Variants in POU2F3 observed in about 807,000 individuals in gnomAD.
POU2F3 encodes the protein POU class 2 homeobox 3.
POU2F3 carries 23 observed loss-of-function variants against 59.2 expected under a neutral mutation model. The ratio of observed to expected loss-of-function variants is 0.39; its 90% CI spans 0.28 to 0.55. The LOEUF (loss-of-function observed/expected upper bound fraction) is 0.55. Ranked by LOEUF, POU2F3 falls within the 20% of genes least tolerant of loss-of-function variation. POU2F3 has a pLI of 0.66. For synonymous variants in POU2F3, 190 were observed against 214.6 expected, an observed-to-expected ratio of 0.89 and a Z score of 1.00; for missense variants, 473 against 544.5, an observed-to-expected ratio of 0.87 and a Z score of 1.31.
At chr11:120,270,439 C>T (rs1940011819) in intron 3 of POU2F3, among the ~76,000 whole-genome samples, 1 of 152,132 alleles carries the variant, frequency 6.6e-6, no homozygotes, top group Non-Finnish European at 1.5e-5. Flanking sequence ...CCCAGGAGCT[C>T]AGAGCAGACA....
intron 7 of POU2F3, 61 bp from the exon 8 acceptor site, chr11:120,305,583 G>T: frequency 6.3e-7 from 1 of 1,594,192 alleles, no homozygotes. Flanking sequence ...CATGCAGGAT[G>T]TGGGCAAACA....
chr11:120,291,286 T>C (rs7120237), intron 3 of POU2F3, among the ~76,000 whole-genome samples: 65,088 of 152,066 alleles, frequency 0.43, 16,692 homozygotes, highest in East Asian at 0.86. Context: ...CAGAGACACG[T>C]GGCAGTGCAG....
rs117466426 is a variant in POU2F3, at chr11:120,282,013, G to T, written c.132+12769G>T. ...TTTAGCAGCAATGTTGGTTCCAGTT[G>T]CCCCATTTCATATCCATGTGGCTCC... On this transcript the variant is annotated intron_variant, in intron 3 of 12. Coordinates refer to ENST00000543440, the MANE Select transcript of POU2F3 (RefSeq NM_014352.4). 1.3e-3 allele frequency among the ~76,000 whole-genome samples: 201 copies of T among 152,252 alleles called. 4 individuals are homozygous for T. In the East Asian group the frequency reaches 0.036, roughly 27 times the overall value.
chr11:120,275,655 G>A (rs748180754), intron 3 of POU2F3, among the ~76,000 whole-genome samples: 2 of 152,172 alleles, frequency 1.3e-5, no homozygotes, highest in Non-Finnish European at 2.9e-5. Context: ...CCAGAAGAGA[G>A]TCTGAAGCAA....
upstream of POU2F3, chr11:120,236,640 C>T (rs555592579): frequency 6.9e-4 from 1,010 of 1,465,518 alleles, 1 homozygote; most frequent in Non-Finnish European, 8.8e-4. Context: ...TCCTCTCTAT[C>T]TCACTCCAGC....
Position 120,275,673 on chromosome 11 carries a change from G to A in POU2F3, c.132+6429G>A, listed in dbSNP as rs560828096. ...GAAGAGAGTCTGAAGCAAGTTGGCA[G>A]CTGTCCTTGTCCCACGTTTCCTGCC... On this transcript the variant is annotated intron_variant, in intron 3 of 12. Coordinates refer to ENST00000543440, the MANE Select transcript of POU2F3 (RefSeq NM_014352.4). Among the ~76,000 whole-genome samples the A allele has an allele frequency of 2.6e-5, 4 of 152,290 alleles. No individual in the cohort carries two copies. In the South Asian group the frequency reaches 8.3e-4, roughly 32 times the overall value.
upstream of POU2F3, chr11:120,240,104 G>A (rs1938597011): frequency 2.6e-6 from 3 of 1,146,140 alleles, no homozygotes; most frequent in Admixed American, 4.8e-5. Context: ...GGGCGTGGCC[G>A]GCGGCCCCCG....
chr11:120,259,165 G>A (rs949135953), intron 2 of POU2F3: 8 of 152,244 alleles, frequency 5.3e-5, no homozygotes, highest in African/African-American at 1.7e-4. Context: ...CTGTGCATTT[G>A]AAGGAAAGTC....
upstream of POU2F3, among the ~76,000 whole-genome samples, chr11:120,238,978 G>A (rs1170278423): frequency 1.3e-5 from 2 of 152,100 alleles, no homozygotes; most frequent in Admixed American, 6.5e-5. Flanking sequence ...TGCCTTTCAA[G>A]TGTTGGTCAC....
intron 9 of POU2F3, among the ~76,000 whole-genome samples, chr11:120,308,396 G>A (rs1941558395): frequency 6.6e-6 from 1 of 152,182 alleles, no homozygotes; most frequent in Admixed American, 6.5e-5. Flanking sequence ...TTAGCTCAAA[G>A]ATTTGGTGCC....
chr11:120,303,945 A>C (rs1329213142), intron 6 of POU2F3: 1 of 152,224 alleles, frequency 6.6e-6, no homozygotes, highest in Non-Finnish European at 1.5e-5. Flanking sequence ...TTGTGGAATG[A>C]TAGATGTCCT....
rs190020776 is a variant in POU2F3, at chr11:120,318,395, C to A, written c.*3C>A. The A allele has an allele frequency of 6.1e-5, 97 of 1,598,612 alleles. No homozygotes were observed. Among genetic ancestry groups the A allele is most frequent in the Non-Finnish European group, 7.6e-5 (89 of 1,165,814 alleles). ...ATCATTCCACCTACCTCCACTGAGA[C>A]CAAAAAGTTTCTCCTACTCCAGCTG... is the stretch of plus-strand genomic sequence containing the variant. On this transcript the variant is annotated 3_prime_UTR_variant, in exon 13 of 13. Transcript: ENST00000543440.
intron 10 of POU2F3, among the ~76,000 whole-genome samples, chr11:120,315,013 A>T (rs1012892441): frequency 6.6e-6 from 1 of 152,258 alleles, no homozygotes; most frequent in African/African-American, 2.4e-5. Context: ...TATCTGCCAC[A>T]GCAGGGCCCA....
chr11:120,309,486 A>G lies in POU2F3; in HGVS notation c.968A>G (p.Glu323Gly), dbSNP rs1325625718. Residue 323 changes from glutamate to glycine, a missense_variant, in exon 10 of 13, where the codon GAG becomes GGG. Coordinates refer to ENST00000543440, the MANE Select transcript of POU2F3 (RefSeq NM_014352.4). ...MIAEQLSMEK[E>G]VVRVWFCNRR... ...GCAGAGCAGTTGTCCATGGAGAAGGAGGTGGTGAGGGTCTGGTTCTGCAAC... is the reference window on the plus strand; with the variant it reads ...GCAGAGCAGTTGTCCATGGAGAAGGGGGTGGTGAGGGTCTGGTTCTGCAAC... 1.9e-6 allele frequency: 3 copies of G among 1,613,796 alleles called. No individual in the cohort carries two copies. In the South Asian group the frequency reaches 3.3e-5, roughly 18 times the overall value.
intron 3 of POU2F3, among the ~76,000 whole-genome samples, chr11:120,289,129 C>T (rs1406236170): frequency 6.6e-6 from 1 of 152,174 alleles, no homozygotes; most frequent in East Asian, 1.9e-4. Context: ...ACCCCAAATG[C>T]TCTCTGCTGC....
intron 9 of POU2F3, among the ~76,000 whole-genome samples, chr11:120,308,652 G>A (rs1941564309): frequency 6.6e-6 from 1 of 151,978 alleles, no homozygotes; most frequent in African/African-American, 2.4e-5. Context: ...GAAATGACAA[G>A]GCAGGCCAGG....
intron 4 of POU2F3, among the ~76,000 whole-genome samples, chr11:120,298,977 A>G (rs911677185): frequency 2.6e-5 from 4 of 152,024 alleles, no homozygotes; most frequent in Admixed American, 2.6e-4. Flanking sequence ...ATGTGCACAA[A>G]CCTAAGCTCA....
chr11:120,313,677 A>G (rs1378077930), intron 10 of POU2F3, among the ~76,000 whole-genome samples: 2 of 152,204 alleles, frequency 1.3e-5, no homozygotes, highest in African/African-American at 4.8e-5. Flanking sequence ...TCCAGAAGGA[A>G]ACAAGCTGGC....
intron 1 of POU2F3, among the ~76,000 whole-genome samples, chr11:120,245,164 G>A (rs999108816): frequency 5.3e-5 from 8 of 152,090 alleles, no homozygotes; most frequent in African/African-American, 1.9e-4. Context: ...CTAAATCTCT[G>A]GATCCCCCAT....
Sources: allele counts gnomAD v4.1 joint callset (sites outside exome capture counted in the v4.1 genomes callset), GRCh38; gene constraint gnomAD v4.1.1; transcripts MANE v1.5; gene names NCBI Gene and HGNC (gene_info 2026-07-23, HGNC 2026-07-21).